CADM1: variants seen among roughly 807,000 people sequenced by gnomAD.
The protein encoded by CADM1 is TSLC-1.
A neutral mutation model predicts 53.1 loss-of-function variants in CADM1; 15 were observed. The observed-to-expected ratio is 0.28, with a 90% CI of 0.19 to 0.44. CADM1 has a LOEUF of 0.44. Among genes scored for constraint, CADM1 ranks in the 20% least tolerant of loss-of-function variants. The pLI is 1.00. For synonymous variants in CADM1, 281 were observed against 243.0 expected, an observed-to-expected ratio of 1.16 and a Z score of -1.45; for missense variants, 434 against 611.3, an observed-to-expected ratio of 0.71 and a Z score of 3.06.
At chr11:115,177,065 C>T (rs193125168) in intron 11 of CADM1, among the ~76,000 whole-genome samples, 5 of 152,280 alleles carry the variant, frequency 3.3e-5, no homozygotes, top group African/African-American at 1.2e-4. Flanking sequence ...ACCACCGTCC[C>T]GTGTCTATAT....
intron 1 of CADM1, among the ~76,000 whole-genome samples, chr11:115,318,329 C>A (rs532210644): frequency 1.3e-5 from 2 of 152,126 alleles, no homozygotes; most frequent in Non-Finnish European, 2.9e-5. Flanking sequence ...AATAAAATCA[C>A]AAAGGAGTTT....
chr11:115,172,123 G>C lies in CADM1; in HGVS notation c.*4351C>G, dbSNP rs1333913457. 2 of 152,306 alleles carry C rather than the reference G, an allele frequency of 1.3e-5. No homozygotes were observed. The highest frequency in any genetic ancestry group is 4.8e-5 in the African/African-American group (2 of 41,462). The allele number at this position is 152,306 out of a possible 1,614,324, so 9.4% of individuals were successfully genotyped here. A position where few individuals can be genotyped will look rare whatever the true frequency, so the allele number is the denominator to read the frequency against. On this transcript the variant is annotated 3_prime_UTR_variant, in exon 12 of 12. Transcript: ENST00000331581. ...CAGAGCAAGAGACTGAAGCCAGGTA[G>C]GCTGGGCTACTCACCCGAGGTTTCA...
chr11:115,183,443 A>G (rs2134606712), intron 10 of CADM1, among the ~76,000 whole-genome samples: 1 of 152,330 alleles, frequency 6.6e-6, no homozygotes, highest in Admixed American at 6.5e-5. Context: ...TCCATGGATA[A>G]CTGGAGAGTG....
intron 1 of CADM1, among the ~76,000 whole-genome samples, chr11:115,390,131 T>A (rs1264010455): frequency 2.6e-5 from 4 of 151,764 alleles, no homozygotes; most frequent in African/African-American, 9.7e-5. Context: ...CCATCCCACC[T>A]CCCCCCATGT....
rs1255109968 is a variant in CADM1, at chr11:115,173,251, G to A, written c.*3223C>T. Reference sequence around the variant, plus strand: ...GAGCAGCCAACACAGGGAAGTTGGTGAGGGTGGGGGGGCGGTGAGAGAGGG... The same window carrying A: ...GAGCAGCCAACACAGGGAAGTTGGTAAGGGTGGGGGGGCGGTGAGAGAGGG... On this transcript the variant is annotated 3_prime_UTR_variant, in exon 12 of 12. Transcript: ENST00000331581. 6.6e-6 allele frequency: 1 copy of A among 152,364 alleles called. No homozygotes were observed. 9.4% of individuals were successfully genotyped at this position (152,364 alleles called of 1,614,324 possible). A position where few individuals can be genotyped will look rare whatever the true frequency, so the allele number is the denominator to read the frequency against.
At chr11:115,295,566 C>T (rs2187988) in intron 1 of CADM1, among the ~76,000 whole-genome samples, 14,401 of 122,300 alleles carry the variant, frequency 0.12, 980 homozygotes, top group South Asian at 0.29. Flanking sequence ...TATGTATATG[C>T]ACATATATAA....
At chr11:115,450,541 T>G (rs1303623900) in intron 1 of CADM1, among the ~76,000 whole-genome samples, 3 of 152,370 alleles carry the variant, frequency 2.0e-5, no homozygotes, top group Non-Finnish European at 2.9e-5. Flanking sequence ...CAATTCATTT[T>G]GTTAACTGTT....
intron 1 of CADM1, among the ~76,000 whole-genome samples, chr11:115,426,428 G>A (rs953512978): frequency 6.6e-6 from 1 of 152,116 alleles, no homozygotes; most frequent in African/African-American, 2.4e-5. Context: ...TAGGGGAAGT[G>A]GGGTGCACAC....
At chr11:115,347,284 C>T (rs1353972984) in intron 1 of CADM1, among the ~76,000 whole-genome samples, 1 of 152,096 alleles carries the variant, frequency 6.6e-6, no homozygotes, top group East Asian at 1.9e-4. Context: ...CGTCTGACTC[C>T]CCTCCTTCCC....
intron 1 of CADM1, among the ~76,000 whole-genome samples, chr11:115,252,787 G>T (rs1222481347): frequency 6.6e-6 from 1 of 152,104 alleles, no homozygotes; most frequent in Non-Finnish European, 1.5e-5. Flanking sequence ...CATCTTGAGG[G>T]AATACGGTGT....
intron 1 of CADM1, among the ~76,000 whole-genome samples, chr11:115,355,568 G>A (rs78457710): frequency 2.6e-5 from 4 of 151,844 alleles, no homozygotes; most frequent in Admixed American, 6.6e-5. Flanking sequence ...TCACTGTGGC[G>A]TAAGTTTAAC....
At chr11:115,267,694 T>G (rs866060822) in intron 1 of CADM1, among the ~76,000 whole-genome samples, 11 of 135,388 alleles carry the variant, frequency 8.1e-5, no homozygotes, top group Middle Eastern at 3.4e-3. Flanking sequence ...TTTTTTTTTT[T>G]TTTTCTAAAA....
chr11:115,177,351 C>G (rs1308955363), intron 11 of CADM1, among the ~76,000 whole-genome samples: 1 of 152,130 alleles, frequency 6.6e-6, no homozygotes, highest in Non-Finnish European at 1.5e-5. Flanking sequence ...ACTCTTATCA[C>G]CAAATCCCAA....
chr11:115,184,960 A>C (rs563713998), intron 10 of CADM1, among the ~76,000 whole-genome samples: 1 of 152,324 alleles, frequency 6.6e-6, no homozygotes, highest in South Asian at 2.1e-4. Flanking sequence ...TGCATGGTCC[A>C]TTGGAAAGAG....
intron 1 of CADM1, among the ~76,000 whole-genome samples, chr11:115,248,403 C>T (rs1006552971): frequency 6.6e-5 from 10 of 152,138 alleles, no homozygotes; most frequent in Middle Eastern, 3.2e-3. Flanking sequence ...ACAATTACGA[C>T]GCTGAAGGTC....
rs113376416 is a variant in CADM1, at chr11:115,462,637, G to A, written c.124+41634C>T. ...TTTTGATGTGGAGGAGGAGGAGGGA[G>A]GAAAGTAAGGGACATTAGAAAAACA... On this transcript the variant is annotated intron_variant, in intron 1 of 11. Transcript: ENST00000331581. 8.1e-3 allele frequency among the ~76,000 whole-genome samples: 1,229 copies of A among 152,278 alleles called. 15 individuals are homozygous for A. The highest frequency in any genetic ancestry group is 0.028 in the African/African-American group (1,170 of 41,548).
intron 1 of CADM1, among the ~76,000 whole-genome samples, chr11:115,427,927 G>A (rs1947933024): frequency 7.0e-6 from 1 of 141,894 alleles, no homozygotes; most frequent in African/African-American, 2.7e-5. Flanking sequence ...GAATCCTTAA[G>A]CCCATGAGGC....
At chr11:115,195,908 G>T (rs1179875464) in intron 9 of CADM1, among the ~76,000 whole-genome samples, 3 of 152,158 alleles carry the variant, frequency 2.0e-5, no homozygotes, top group Non-Finnish European at 2.9e-5. Flanking sequence ...ACAAGGTAAA[G>T]AATGTATTTA....
At chr11:115,314,424 T>C (rs1371790461) in intron 1 of CADM1, among the ~76,000 whole-genome samples, 1 of 152,152 alleles carries the variant, frequency 6.6e-6, no homozygotes, top group Non-Finnish European at 1.5e-5. Context: ...CCCCTGCCCT[T>C]CAACTTCAAA....
Sources: allele counts gnomAD v4.1 joint callset (sites outside exome capture counted in the v4.1 genomes callset), GRCh38; gene constraint gnomAD v4.1.1; transcripts MANE v1.5; gene names NCBI Gene and HGNC (gene_info 2026-07-23, HGNC 2026-07-21).